OSBPL3: variants seen among roughly 807,000 people sequenced by gnomAD.
The protein encoded by OSBPL3 is oxysterol-binding protein-related protein 3.
In OSBPL3, 65 loss-of-function variants were observed where a neutral mutation model predicts 120.1. The observed-to-expected ratio is 0.54, with a 90% CI of 0.44 to 0.67. OSBPL3 has a LOEUF of 0.67. Ranked by LOEUF, OSBPL3 falls within the 30% of genes least tolerant of loss-of-function variation. The pLI, the probability that OSBPL3 is intolerant of heterozygous loss-of-function variation, is 0.00. For synonymous variants in OSBPL3, 416 were observed against 402.6 expected, an observed-to-expected ratio of 1.03 and a Z score of -0.40; for missense variants, 1,004 against 1,082.1, an observed-to-expected ratio of 0.93 and a Z score of 1.01.
At chr7:24,807,564 C>T (rs1011562861) in intron 20 of OSBPL3, among the ~76,000 whole-genome samples, 6 of 152,046 alleles carry the variant, frequency 3.9e-5, no homozygotes, top group Admixed American at 3.9e-4. Context: ...GTCCATTTTT[C>T]CTGATTCTCA....
At position 24,802,488 on chromosome 7, in the gene OSBPL3, G is replaced by A. The variant is rs181821969; in HGVS notation, c.2567+1827C>T. Among the ~76,000 whole-genome samples the A allele has an allele frequency of 5.9e-5, 9 of 152,298 alleles. No individual in the cohort carries two copies. Among genetic ancestry groups the A allele is most frequent in the East Asian group, 3.9e-4 (2 of 5,186 alleles). ...GCCGCCCCAGCTGAAGCAGCTTTCC[G>A]TCCTTTTTCATTCCAGACACAATTC... On this transcript the variant is annotated intron_variant, in intron 22 of 22. Transcript: ENST00000313367. This position sits in a 1 kb window ranked among gnomAD's most constrained non-coding sequence, Gnocchi z 4.1.
Position 24,937,614 on chromosome 7 carries a change from C to T in OSBPL3, c.-150+42272G>A, listed in dbSNP as rs917960339. 3.3e-4 allele frequency among the ~76,000 whole-genome samples: 50 copies of T among 152,204 alleles called. 2 individuals carry two copies. The highest frequency in any genetic ancestry group is 1.2e-4 in the African/African-American group (5 of 41,446). On this transcript the variant is annotated intron_variant, in intron 1 of 22. Coordinates refer to ENST00000313367, the MANE Select transcript of OSBPL3 (RefSeq NM_015550.4). The surrounding 1 kb of genome is among the most constrained non-coding windows in gnomAD (Gnocchi z 4.0). Reference sequence around the variant, plus strand: ...AGCAGTGAACAGAGCATACATGAGACGTCCCAATACATGTGCCACACTTTT... The same window carrying T: ...AGCAGTGAACAGAGCATACATGAGATGTCCCAATACATGTGCCACACTTTT...
In OSBPL3 at chr7:24,939,823, T is replaced by C. The variant is rs1812871236; in HGVS notation, c.-150+40063A>G. 6.6e-6 allele frequency among the ~76,000 whole-genome samples: 1 copy of C among 152,084 alleles called. No individual in the cohort carries two copies. The highest frequency in any genetic ancestry group is 2.4e-5 in the African/African-American group (1 of 41,428). ...GGAAAAAATCAGTAACAGGGGGCTATAACTAAAGTTAGGAGGGTGGGAGGA... is the reference window on the plus strand; with the variant it reads ...GGAAAAAATCAGTAACAGGGGGCTACAACTAAAGTTAGGAGGGTGGGAGGA... On this transcript the variant is annotated intron_variant, in intron 1 of 22. Transcript: ENST00000313367. This position sits in a 1 kb window ranked among gnomAD's most constrained non-coding sequence, Gnocchi z 4.2.
chr7:24,865,567 C>A, intron 6 of OSBPL3, 102 bp from the exon 7 acceptor site: 1 of 1,116,848 alleles, frequency 9.0e-7, no homozygotes. Context: ...TAATGGACAC[C>A]ATCTGCCTAT....
intron 1 of OSBPL3, among the ~76,000 whole-genome samples, chr7:24,954,703 T>C (rs955148758): frequency 2.0e-5 from 3 of 152,212 alleles, no homozygotes; most frequent in Non-Finnish European, 2.9e-5. Context: ...ATTAAAGATG[T>C]GGACCCTAAA....
chr7:24,904,921 GTGT>G (rs1807652427), intron 1 of OSBPL3, among the ~76,000 whole-genome samples: 36 of 86,096 alleles, frequency 4.2e-4, no homozygotes, highest in African/African-American at 1.7e-3. Flanking sequence ...ATATACAGGT[GTGT>G]GTGTGTGTGT....
At chr7:24,914,716 C>T (rs1351433538) in intron 1 of OSBPL3, among the ~76,000 whole-genome samples, 1 of 152,156 alleles carries the variant, frequency 6.6e-6, no homozygotes, top group Non-Finnish European at 1.5e-5. Context: ...TTCCCATTTC[C>T]TCTATTGTCT....
rs1047056219 is a variant in OSBPL3 at position 24,831,975 on chromosome 7, G to A, written c.1747-1070C>T. 2.0e-5 allele frequency among the ~76,000 whole-genome samples: 3 copies of A among 152,072 alleles called. No homozygotes were observed. The highest frequency in any genetic ancestry group is 2.0e-4 in the Admixed American group (3 of 15,268). ...CCAGCACTTTGGGAGACCGAGGCAG[G>A]TGGATCTGCTTGAGCCCAAGAGTTC... On this transcript the variant is annotated intron_variant, in intron 15 of 22. Transcript: ENST00000313367. This position sits in a 1 kb window ranked among gnomAD's most constrained non-coding sequence, Gnocchi z 4.0.
At chr7:24,839,492 G>T (rs768246297) in intron 14 of OSBPL3, among the ~76,000 whole-genome samples, 1 of 152,094 alleles carries the variant, frequency 6.6e-6, no homozygotes, top group African/African-American at 2.4e-5. Flanking sequence ...GTCATCTTAG[G>T]ATACCCTGAT....
At chr7:24,907,561 C>A (rs149926930) in intron 1 of OSBPL3, among the ~76,000 whole-genome samples, 3 of 152,348 alleles carry the variant, frequency 2.0e-5, no homozygotes, top group African/African-American at 7.2e-5. Flanking sequence ...TATATACATA[C>A]CCTGTATTCT....
Position 24,872,862 on chromosome 7 carries a change from A to G in OSBPL3, c.97-793T>C, listed in dbSNP as rs1445016903. On this transcript the variant is annotated intron_variant, in intron 2 of 22. Transcript: ENST00000313367. The surrounding 1 kb of genome is among the most constrained non-coding windows in gnomAD (Gnocchi z 4.1). ...TCTGAAAATTTACTTTTAAATACTTAAAAATAAATACATCATTGCTAATCA... is the reference window on the plus strand; with the variant it reads ...TCTGAAAATTTACTTTTAAATACTTGAAAATAAATACATCATTGCTAATCA... Among the ~76,000 whole-genome samples the G allele has an allele frequency of 6.6e-6, 1 of 152,184 alleles. No homozygotes were observed. The highest frequency in any genetic ancestry group is 2.4e-5 in the African/African-American group (1 of 41,430).
rs139660861 is a variant in OSBPL3 at position 24,929,650 on chromosome 7, A to G, written c.-149-37029T>C. 3.1e-3 allele frequency among the ~76,000 whole-genome samples: 471 copies of G among 152,280 alleles called. 1 individual carries two copies. The Middle Eastern group carries it at 0.037, about 12-fold the overall frequency. On this transcript the variant is annotated intron_variant, in intron 1 of 22. Transcript: ENST00000313367. Reference sequence around the variant, plus strand: ...TTCATCAAGAAAGGAGTTCCATTCAATGGAAGGCTCCCTCCTTGCCTGCTG... The same window carrying G: ...TTCATCAAGAAAGGAGTTCCATTCAGTGGAAGGCTCCCTCCTTGCCTGCTG...
rs922358716 is a variant in OSBPL3, at chr7:24,862,228, G to A, written c.871-459C>T. On this transcript the variant is annotated intron_variant, in intron 9 of 22. Coordinates refer to ENST00000313367, the MANE Select transcript of OSBPL3 (RefSeq NM_015550.4). The surrounding 1 kb of genome is among the most constrained non-coding windows in gnomAD (Gnocchi z 4.4). ...TGAGTGATAACTTATTTTAAAAAAT[G>A]AGAACTCAAGACAACACTTTCCACA... is the stretch of plus-strand genomic sequence containing the variant. 2.6e-5 allele frequency among the ~76,000 whole-genome samples: 4 copies of A among 152,154 alleles called. No homozygotes were observed. The highest frequency in any genetic ancestry group is 9.7e-5 in the African/African-American group (4 of 41,428).
chr7:24,850,317 T>G (rs1798986563), intron 11 of OSBPL3, among the ~76,000 whole-genome samples: 1 of 152,168 alleles, frequency 6.6e-6, no homozygotes, highest in Non-Finnish European at 1.5e-5. Context: ...GACCAACTCT[T>G]CTCCAATGGT....
chr7:24,853,330 A>G (rs1298526418), intron 10 of OSBPL3, among the ~76,000 whole-genome samples: 1 of 152,212 alleles, frequency 6.6e-6, no homozygotes, highest in Admixed American at 6.5e-5. Context: ...AAGACACAAC[A>G]TCTCCTTTGG....
chr7:24,878,884 G>C (rs761878896), intron 2 of OSBPL3, among the ~76,000 whole-genome samples: 7 of 152,198 alleles, frequency 4.6e-5, no homozygotes, highest in Non-Finnish European at 1.0e-4. Flanking sequence ...GCACAGATGA[G>C]GCTATCACTG....
rs1366870152 is a variant in OSBPL3 at position 24,933,712 on chromosome 7, C to A, written c.-149-41091G>T. On this transcript the variant is annotated intron_variant, in intron 1 of 22. Transcript: ENST00000313367. The surrounding 1 kb of genome is among the most constrained non-coding windows in gnomAD (Gnocchi z 5.1). ...AAACTCCAGTTGAGGCAAGTATTTG[C>A]CTATGCTCTCAGTTCTGATCATAAG... Among the ~76,000 whole-genome samples, 1 of 152,160 alleles carries A rather than the reference C, an allele frequency of 6.6e-6. No individual in the cohort carries two copies. The highest frequency in any genetic ancestry group is 6.5e-5 in the Admixed American group (1 of 15,270).
rs1304993321 is a variant in OSBPL3 at position 24,940,120 on chromosome 7, T to C, written c.-150+39766A>G. On this transcript the variant is annotated intron_variant, in intron 1 of 22. Coordinates refer to ENST00000313367, the MANE Select transcript of OSBPL3 (RefSeq NM_015550.4). This position sits in a 1 kb window ranked among gnomAD's most constrained non-coding sequence, Gnocchi z 4.4. ...CAAATGAGATTGTGAAAGAAAGTTA[T>C]ATTCTTGAAGAGCATAATAAAGGTT... Among the ~76,000 whole-genome samples the C allele has an allele frequency of 6.6e-6, 1 of 152,214 alleles. No individual in the cohort carries two copies. The highest frequency in any genetic ancestry group is 6.5e-5 in the Admixed American group (1 of 15,286).
chr7:24,905,654 G>A (rs1372919295), intron 1 of OSBPL3, among the ~76,000 whole-genome samples: 3 of 152,192 alleles, frequency 2.0e-5, no homozygotes, highest in Non-Finnish European at 4.4e-5. Context: ...TAAGAGTCAT[G>A]ACTCCATACT....
Sources: allele counts gnomAD v4.1 joint callset (sites outside exome capture counted in the v4.1 genomes callset), GRCh38; gene constraint gnomAD v4.1.1; non-coding constraint Gnocchi (gnomAD v3.1); transcripts MANE v1.5; gene names NCBI Gene and HGNC (gene_info 2026-07-23, HGNC 2026-07-21).